Variants in DNAI3 observed in about 807,000 individuals in gnomAD.
The protein encoded by DNAI3 is WD repeat domain 63.
DNAI3 carries 83 observed loss-of-function variants against 115.5 expected under a neutral mutation model. The observed-to-expected ratio is 0.72, with a 90% CI of 0.60 to 0.86. The LOEUF is 0.86. Ranked by LOEUF, DNAI3 falls within the 40% of genes least tolerant of loss-of-function variation. The pLI is 0.00. For missense variants in DNAI3, 1,004 were observed against 1,075.8 expected (o/e 0.93, Z 0.93); for synonymous variants, 320 against 347.0 (o/e 0.92, Z 0.86).
Position 85,084,585 on chromosome 1 carries a change from C to T in DNAI3, c.430C>T (p.His144Tyr). The T allele has an allele frequency of 1.9e-6, 3 of 1,543,572 alleles. No individual in the cohort carries two copies. The highest frequency in any genetic ancestry group is 2.0e-5 in the Admixed American group (1 of 50,862). Residue 144 changes from histidine (H) to tyrosine (Y), a missense_variant, in exon 6 of 23, where the codon CAT becomes TAT. Coordinates refer to ENST00000294664, the MANE Select transcript of DNAI3 (RefSeq NM_145172.5). Reference protein sequence around the residue: ...VPEEQEEYKEHIPEDVYIYKP... With the variant: ...VPEEQEEYKEYIPEDVYIYKP... ...AGAAGAACAAGAAGAATATAAAGAA[C>T]ATATTCCTGAAGATGTGTATATTTA...
intron 2 of DNAI3, 22 bp from the exon 3 acceptor site, chr1:85,073,032 A>T: frequency 6.8e-7 from 1 of 1,462,090 alleles, no homozygotes; most frequent in East Asian, 2.5e-5. Flanking sequence ...TGTAAATTTG[A>T]CTTCCTTTTA....
In DNAI3 at chr1:85,081,366, G is replaced by T; in HGVS notation, c.236G>T (p.Arg79Leu). The change falls in exon 4 of 23, where the codon CGC becomes CTC. Residue 79 changes from arginine to leucine, a missense_variant. Coordinates refer to ENST00000294664, the MANE Select transcript of DNAI3 (RefSeq NM_145172.5). Reference sequence around the variant, plus strand: ...AAAGAAGACATTTTTGAGGACCTGCGCAACAGAGCTGCAGTATCTGATTTC... The same window carrying T: ...AAAGAAGACATTTTTGAGGACCTGCTCAACAGAGCTGCAGTATCTGATTTC... The part of the protein sequence containing the change: ...INKEDIFEDL[R>L]NRAAVSDFHP... 1 of 1,601,016 alleles carries T rather than the reference G, an allele frequency of 6.2e-7. No homozygotes were observed.
At chr1:85,116,009 A>G (rs1413575401) in intron 16 of DNAI3, among the ~76,000 whole-genome samples, 3 of 152,120 alleles carry the variant, frequency 2.0e-5, no homozygotes, top group Non-Finnish European at 4.4e-5. Context: ...TTCTCTTAGC[A>G]TCTGTGATTT....
intron 14 of DNAI3, among the ~76,000 whole-genome samples, chr1:85,105,244 T>C (rs1655448844): frequency 6.6e-6 from 1 of 152,038 alleles, no homozygotes; most frequent in Non-Finnish European, 1.5e-5. Flanking sequence ...GTAGCAGCCA[T>C]GGGCCAGGGA....
At chr1:85,122,544 TCA>T in intron 18 of DNAI3, among the ~76,000 whole-genome samples, 1 of 152,346 alleles carries the variant, frequency 6.6e-6, no homozygotes, top group Non-Finnish European at 1.5e-5. Flanking sequence ...TTAATGCATT[TCA>T]CAGTTTGGGA....
chr1:85,085,785 A>ATCAGTTTTTCT (rs111823967), intron 6 of DNAI3, 46 bp from the exon 7 acceptor site: 896,750 of 1,519,444 alleles, frequency 0.59, 266,174 homozygotes, highest in Non-Finnish European at 0.6. Context: ...TTGCCTACAC[A>ATCAGTTTTTCT]TCAGGGACTT....
intron 1 of DNAI3, among the ~76,000 whole-genome samples, chr1:85,067,211 T>C (rs6665436): frequency 0.12 from 17,666 of 152,232 alleles, 1,302 homozygotes; most frequent in East Asian, 0.25. Flanking sequence ...TGAAGAAGAA[T>C]TAAGACCCCT....
At chr1:85,101,727 CAAAAAA>C (rs72166976) in intron 13 of DNAI3, among the ~76,000 whole-genome samples, 412 of 14,392 alleles carry the variant, frequency 0.029, no homozygotes, top group Non-Finnish European at 0.038. Context: ...GACTCCATCT[CAAAAAA>C]AAAAAAAAAA....
chr1:85,075,481 C>T (rs12079571), intron 3 of DNAI3, among the ~76,000 whole-genome samples: 28,270 of 151,900 alleles, frequency 0.19, 2,771 homozygotes, highest in South Asian at 0.26. Flanking sequence ...AGTTAGCATC[C>T]CCTTCTCCTC....
chr1:85,088,201 C>G (rs1027073515), intron 7 of DNAI3, among the ~76,000 whole-genome samples: 3 of 151,994 alleles, frequency 2.0e-5, no homozygotes, highest in African/African-American at 4.8e-5. Flanking sequence ...TACTAGGGTA[C>G]AGACAAGTAC....
intron 2 of DNAI3, 56 bp from the exon 3 acceptor site, chr1:85,072,998 A>G (rs977224860): frequency 1.7e-5 from 19 of 1,087,826 alleles, no homozygotes; most frequent in Non-Finnish European, 2.4e-5. Flanking sequence ...ATTATAATAA[A>G]TTGAGATGTA....
rs773163138 is a variant in DNAI3 at position 85,093,587 on chromosome 1, C to T, written c.987C>T (p.Thr329=). The T allele has an allele frequency of 1.6e-5, 26 of 1,614,040 alleles. No homozygotes were observed. Among genetic ancestry groups the T allele is most frequent in the East Asian group, 6.7e-5 (3 of 44,890 alleles). The change falls in exon 9 of 23, where the codon ACC becomes ACT. Residue 329 remains threonine (T), a synonymous_variant. Coordinates refer to ENST00000294664, the MANE Select transcript of DNAI3 (RefSeq NM_145172.5). ...DTHLKEYQSF[T]DLHSPTEKMI... is the part of the protein sequence containing the mutation. The stretch of plus-strand genomic sequence containing the variant: ...ACCTGAAAGAGTACCAGTCCTTTAC[C>T]GACCTTCATAGCCCAACGGAGAAAA...
chr1:85,081,350 A>G lies in DNAI3; in HGVS notation c.220A>G (p.Ile74Val). The G allele has an allele frequency of 6.2e-7, 1 of 1,604,342 alleles. No homozygotes were observed. Among genetic ancestry groups the G allele is most frequent in the Non-Finnish European group, 8.5e-7 (1 of 1,177,134 alleles). Residue 74 changes from isoleucine to valine, a missense_variant, in exon 4 of 23, where the codon ATT becomes GTT. Ile to Val is a conservative substitution (Grantham distance 29). Around this residue, in one of 3 missense-constraint regions of DNAI3, gnomAD observed 550 missense variants for 568.1 expected, o/e 0.97. Transcript: ENST00000294664. ...QPYKLINKED[I>V]FEDLRNRAAV... ...TTATAAGCTTATCAATAAAGAAGAC[A>G]TTTTTGAGGACCTGCGCAACAGAGC...
Position 85,126,845 on chromosome 1 carries a change from C to T in DNAI3, c.2317+130C>T, listed in dbSNP as rs1656159614. 7 of 860,722 alleles carry T rather than the reference C, an allele frequency of 8.1e-6. No individual in the cohort carries two copies. In the South Asian group the frequency reaches 1.1e-4, roughly 13 times the overall value. The allele number at this position is 860,722 out of a possible 1,614,324, so 53.3% of individuals were successfully genotyped here. On this transcript the variant is annotated intron_variant, in intron 20 of 22. Transcript: ENST00000294664. Reference sequence around the variant, plus strand: ...TTCTTCCTGCTCATCCCTTCTTATCCCTTCCCTTCTCTTCCTTTCCTTTTC... The same window carrying T: ...TTCTTCCTGCTCATCCCTTCTTATCTCTTCCCTTCTCTTCCTTTCCTTTTC...
chr1:85,085,933 G>T lies in DNAI3; in HGVS notation c.643G>T (p.Ala215Ser). The T allele has an allele frequency of 2.5e-6, 4 of 1,614,122 alleles. No homozygotes were observed. The highest frequency in any genetic ancestry group is 3.4e-6 in the Non-Finnish European group (4 of 1,180,016). The change falls in exon 7 of 23, where the codon GCC (alanine) becomes TCC (serine). Residue 215 changes from alanine to serine, a missense_variant. Coordinates refer to ENST00000294664, the MANE Select transcript of DNAI3 (RefSeq NM_145172.5). ...AAAAGATGCCTATATTGAATGTACA[G>T]CCTACCCAGATAAAAATTTTACCCT... The part of the protein sequence containing the change: ...SVKDAYIECT[A>S]YPDKNFTLKQ...
chr1:85,076,467 C>T (rs1399092635), intron 3 of DNAI3, among the ~76,000 whole-genome samples: 1 of 152,138 alleles, frequency 6.6e-6, no homozygotes, highest in Non-Finnish European at 1.5e-5. Flanking sequence ...TGTTCACATG[C>T]TTCTAATAAA....
chr1:85,101,161 TA>T (rs1013430136), intron 13 of DNAI3, among the ~76,000 whole-genome samples: 3 of 150,844 alleles, frequency 2.0e-5, no homozygotes, highest in Non-Finnish European at 3.0e-5. Context: ...CACTTGAACA[TA>T]AAAAAAAGAA....
Position 85,126,592 on chromosome 1 carries a change from T to G in DNAI3, c.2194T>G (p.Tyr732Asp), listed in dbSNP as rs376740106. The G allele has an allele frequency of 1.9e-5, 30 of 1,614,014 alleles. No homozygotes were observed. The highest frequency in any genetic ancestry group is 2.5e-5 in the Non-Finnish European group (29 of 1,180,012). ...HWSLTRPGVF[Y>D]IGREDGYIDI... ...GTCCCTGACTCGGCCCGGAGTTTTCTACATCGGCCGAGAAGATGGATACAT... is the reference window on the plus strand; with the variant it reads ...GTCCCTGACTCGGCCCGGAGTTTTCGACATCGGCCGAGAAGATGGATACAT... The change falls in exon 20 of 23, where the codon TAC becomes GAC. Residue 732 changes from tyrosine (Y) to aspartate (D), a missense_variant. Transcript: ENST00000294664.
chr1:85,069,726 A>G (rs1348386029), intron 1 of DNAI3, among the ~76,000 whole-genome samples: 1 of 152,126 alleles, frequency 6.6e-6, no homozygotes. Flanking sequence ...GGGGAAAAAA[A>G]GAAAGTTTTT....
Sources: gnomAD v4.1 joint callset for allele counts (sites outside exome capture counted in the v4.1 genomes callset) on GRCh38, gnomAD v4.1.1 for gene constraint, gnomAD v4.1.1 regional missense constraint, MANE v1.5 for transcripts, NCBI Gene and HGNC (gene_info 2026-07-23, HGNC 2026-07-21) for gene names.